MTSS1: variants seen among roughly 807,000 people sequenced by gnomAD.
MTSS1 encodes protein MTSS 1.
Under a neutral mutation model 79.0 loss-of-function variants are expected in MTSS1, and 18 were observed. The observed-to-expected ratio is 0.23, with a 90% CI of 0.16 to 0.34. The LOEUF (loss-of-function observed/expected upper bound fraction) is 0.34. Ranked by LOEUF, MTSS1 falls within the 10% of genes least tolerant of loss-of-function variation. The probability of loss-of-function intolerance (pLI) is 1.00; values close to 1 mark genes in which losing one functional copy is unlikely to be tolerated. For missense variants in MTSS1, 815 were observed against 986.2 expected (o/e 0.83, Z 2.33); for synonymous variants, 341 against 368.6 (o/e 0.93, Z 0.86).
At chr8:124,713,274 G>T (rs548885996) in intron 1 of MTSS1, among the ~76,000 whole-genome samples, 1 of 152,308 alleles carries the variant, frequency 6.6e-6, no homozygotes, top group African/African-American at 2.4e-5. Flanking sequence ...ACCCCTAAGG[G>T]CTTCACTATC....
In MTSS1 at chr8:124,727,446, G is replaced by A. The variant is rs1333805043; in HGVS notation, c.72+438C>T. The A allele has an allele frequency of 9.5e-6, 4 of 419,306 alleles. No individual in the cohort carries two copies. Among genetic ancestry groups the A allele is most frequent in the African/African-American group, 4.1e-5 (2 of 48,894 alleles). 26.0% of individuals were successfully genotyped at this position (419,306 alleles called of 1,614,324 possible). A position where few individuals can be genotyped will look rare whatever the true frequency, so the allele number is the denominator to read the frequency against. On this transcript the variant is annotated intron_variant, in intron 1 of 13. Coordinates refer to ENST00000518547, the MANE Select transcript of MTSS1 (RefSeq NM_014751.6). This position sits in a 1 kb window ranked among gnomAD's most constrained non-coding sequence, Gnocchi z 4.7. Reference sequence around the variant, plus strand: ...CCTAGGCTAGGGGACTCCTTCCTGCGAGCGGGCAGAGCCCCCACTTCCTCC... The same window carrying A: ...CCTAGGCTAGGGGACTCCTTCCTGCAAGCGGGCAGAGCCCCCACTTCCTCC...
At chr8:124,563,323 T>G in intron 9 of MTSS1, 2 of 323,606 alleles carry the variant, frequency 6.2e-6, no homozygotes, top group South Asian at 2.9e-5. Flanking sequence ...CTCTGCTGCT[T>G]CGCCTACCAC....
At chr8:124,599,523 A>C (rs1833403342) in intron 3 of MTSS1, among the ~76,000 whole-genome samples, 1 of 152,096 alleles carries the variant, frequency 6.6e-6, no homozygotes, top group Non-Finnish European at 1.5e-5. Context: ...AAGAAAAAGA[A>C]AAAAGAAATG....
chr8:124,726,288 C>T (rs983638341), intron 1 of MTSS1, among the ~76,000 whole-genome samples: 1 of 152,096 alleles, frequency 6.6e-6, no homozygotes, highest in Non-Finnish European at 1.5e-5. Context: ...TGGGAAGAAC[C>T]GAGCCTGGAT....
chr8:124,666,105 C>T lies in MTSS1; in HGVS notation c.208+33421G>A, dbSNP rs28454984. ...CAGCACACAGTAAATGTTCAATAGTCTCACTGCATGATAACATTCTGCTTA... is the reference window on the plus strand; with the variant it reads ...CAGCACACAGTAAATGTTCAATAGTTTCACTGCATGATAACATTCTGCTTA... On this transcript the variant is annotated intron_variant, in intron 3 of 13. Coordinates refer to ENST00000518547, the MANE Select transcript of MTSS1 (RefSeq NM_014751.6). Among the ~76,000 whole-genome samples, 1,331 of 152,244 alleles carry T rather than the reference C, an allele frequency of 8.7e-3. 21 individuals carry two copies. Among genetic ancestry groups the T allele is most frequent in the African/African-American group, 0.03 (1,232 of 41,484 alleles).
At chr8:124,634,547 T>TA (rs1018771703) in intron 3 of MTSS1, among the ~76,000 whole-genome samples, 8 of 152,172 alleles carry the variant, frequency 5.3e-5, no homozygotes, top group Non-Finnish European at 8.8e-5. Context: ...TAAATATTTG[T>TA]AAAAATGATT....
intron 1 of MTSS1, among the ~76,000 whole-genome samples, chr8:124,714,642 T>C (rs375733767): frequency 4.6e-5 from 7 of 152,224 alleles, no homozygotes; most frequent in African/African-American, 1.7e-4. Flanking sequence ...TTTGTATTTT[T>C]AGTAGAGATG....
intron 3 of MTSS1, among the ~76,000 whole-genome samples, chr8:124,611,030 C>T (rs1835697655): frequency 6.6e-6 from 1 of 151,822 alleles, no homozygotes; most frequent in African/African-American, 2.4e-5. Flanking sequence ...AAACCCACAG[C>T]CAGGTGCCTT....
At chr8:124,625,881 G>A (rs767194626) in intron 3 of MTSS1, among the ~76,000 whole-genome samples, 1 of 152,146 alleles carries the variant, frequency 6.6e-6, no homozygotes, top group Admixed American at 6.6e-5. Flanking sequence ...CAGACATCAG[G>A]ATTATATCCA....
chr8:124,691,252 C>T (rs932504956), intron 3 of MTSS1, among the ~76,000 whole-genome samples: 1 of 152,150 alleles, frequency 6.6e-6, no homozygotes, highest in African/African-American at 2.4e-5. Flanking sequence ...TCACCTCCCA[C>T]TAGGGCAATG....
chr8:124,582,793 A>G lies in MTSS1; in HGVS notation c.460+2294T>C, dbSNP rs1345813548. ...GGAAATGTCAGCTAACCAGACCCCT[A>G]AACAACTGAAAGCCTCAAATGACCA... On this transcript the variant is annotated intron_variant, in intron 6 of 13. Transcript: ENST00000518547. This position sits in a 1 kb window ranked among gnomAD's most constrained non-coding sequence, Gnocchi z 4.8. Among the ~76,000 whole-genome samples, 1 of 152,228 alleles carries G rather than the reference A, an allele frequency of 6.6e-6. No homozygotes were observed. The highest frequency in any genetic ancestry group is 1.5e-5 in the Non-Finnish European group (1 of 68,038).
intron 1 of MTSS1, among the ~76,000 whole-genome samples, chr8:124,713,643 C>A (rs1831492684): frequency 6.6e-6 from 1 of 152,030 alleles, no homozygotes; most frequent in Non-Finnish European, 1.5e-5. Context: ...AGGCTGGTTT[C>A]GAACTCCTGA....
chr8:124,691,640 C>G (rs530159395), intron 3 of MTSS1, among the ~76,000 whole-genome samples: 2 of 152,212 alleles, frequency 1.3e-5, no homozygotes, highest in African/African-American at 4.8e-5. Flanking sequence ...CTCAGCCTCC[C>G]AAGTAGCTGG....
intron 3 of MTSS1, among the ~76,000 whole-genome samples, chr8:124,684,459 A>G (rs1420154158): frequency 1.3e-5 from 2 of 152,248 alleles, no homozygotes; most frequent in Non-Finnish European, 2.9e-5. Context: ...AGAACGAATG[A>G]CAAGGCGGCC....
intron 3 of MTSS1, 64 bp downstream of exon 3, chr8:124,699,462 C>A: frequency 6.8e-7 from 1 of 1,460,756 alleles, no homozygotes; most frequent in Non-Finnish European, 9.6e-7. Context: ...TGTGCAGCCA[C>A]CCAAGGGGAA....
At position 124,553,995 on chromosome 8, in the gene MTSS1, G is replaced by A. The variant is rs1823039757; in HGVS notation, c.1568-303C>T. The stretch of plus-strand genomic sequence containing the variant: ...GGCTGCAGCGAAGCTACCTGCAAGC[G>A]TCTCTGGGAGGAATAAGGGGGATGA... On this transcript the variant is annotated intron_variant, in intron 13 of 13. Coordinates refer to ENST00000518547, the MANE Select transcript of MTSS1 (RefSeq NM_014751.6). This position sits in a 1 kb window ranked among gnomAD's most constrained non-coding sequence, Gnocchi z 6.0. Among the ~76,000 whole-genome samples the A allele has an allele frequency of 2.6e-5, 4 of 152,330 alleles. No homozygotes were observed. The highest frequency in any genetic ancestry group is 1.3e-4 in the Admixed American group (2 of 15,304).
intron 3 of MTSS1, among the ~76,000 whole-genome samples, chr8:124,622,478 C>T (rs1471850778): frequency 7.5e-6 from 1 of 133,248 alleles, no homozygotes; most frequent in African/African-American, 3.2e-5. Flanking sequence ...GGAGCTCTTG[C>T]CATATTGAAA....
chr8:124,645,281 T>C (rs1429454415), intron 3 of MTSS1, among the ~76,000 whole-genome samples: 2 of 152,146 alleles, frequency 1.3e-5, no homozygotes, highest in Non-Finnish European at 2.9e-5. Context: ...TCCTAGTAGC[T>C]ACTCGGGAGG....
In MTSS1 at chr8:124,553,468, A is replaced by C; in HGVS notation, c.1792T>G (p.Ser598Ala). 1.9e-6 allele frequency: 3 copies of C among 1,610,140 alleles called. No individual in the cohort carries two copies. Among genetic ancestry groups the C allele is most frequent in the Non-Finnish European group, 1.7e-6 (2 of 1,177,066 alleles). ...GCTCCAATGGTTCCCCGGCGGACAG[A>C]AGGCTTGGTGGAAGGGGTCCGTCGG... ...TIRRTPSTKP[S>A]VRRGTIGAGP... Residue 598 changes from serine (S) to alanine (A), a missense_variant, in exon 14 of 14, where the codon TCT (serine) becomes GCT (alanine). Around this residue, in one of 2 missense-constraint regions of MTSS1, gnomAD observed 590 missense variants for 620.8 expected, o/e 0.95. Transcript: ENST00000518547. The surrounding 1 kb of genome is among the most constrained non-coding windows in gnomAD (Gnocchi z 6.0).
Sources: allele counts gnomAD v4.1 joint callset (sites outside exome capture counted in the v4.1 genomes callset), GRCh38; gene constraint gnomAD v4.1.1; regional missense constraint gnomAD v4.1.1; non-coding constraint Gnocchi (gnomAD v3.1); transcripts MANE v1.5; gene names NCBI Gene and HGNC (gene_info 2026-07-23, HGNC 2026-07-21).